PTPRM: variants seen among roughly 807,000 people sequenced by gnomAD.
The protein encoded by PTPRM is receptor-type tyrosine-protein phosphatase mu.
A neutral mutation model predicts 186.7 loss-of-function variants in PTPRM; 47 were observed. That is an observed-to-expected ratio of 0.25 (90% confidence interval 0.20 to 0.32). The LOEUF is 0.32. Ranked by LOEUF, PTPRM falls within the 10% of genes least tolerant of loss-of-function variation. PTPRM has a pLI of 1.00. For missense variants in PTPRM, 1,494 were observed against 1,865.0 expected, an observed-to-expected ratio of 0.80 and a Z score of 3.66; for synonymous variants, 668 against 674.9, an observed-to-expected ratio of 0.99 and a Z score of 0.16.
At chr18:7,984,955 AATT>A (rs1463714220) in intron 7 of PTPRM, among the ~76,000 whole-genome samples, 1 of 125,586 alleles carries the variant, frequency 8.0e-6, no homozygotes, top group Non-Finnish European at 1.5e-5. Flanking sequence ...ATACATATAT[AATT>A]ATATACATAT....
At position 7,830,793 on chromosome 18, in the gene PTPRM, C is replaced by T. The variant is rs560325980; in HGVS notation, c.196+56522C>T. ...GATAGAGAGGTAAGTCTGTGTCCTT[C>T]CTCCAACACACACCCGAAAGCATTT... On this transcript the variant is annotated intron_variant, in intron 2 of 32. Coordinates refer to ENST00000580170, the MANE Select transcript of PTPRM (RefSeq NM_001105244.2). Among the ~76,000 whole-genome samples the T allele has an allele frequency of 5.5e-4, 84 of 152,300 alleles. No homozygotes were observed. The South Asian group carries it at 0.017, about 30-fold the overall frequency.
At chr18:8,021,805 ACTC>A (rs1287160998) in intron 7 of PTPRM, among the ~76,000 whole-genome samples, 1 of 151,000 alleles carries the variant, frequency 6.6e-6, no homozygotes, top group African/African-American at 2.4e-5. Flanking sequence ...CTGGTCTTGA[ACTC>A]CTAGGCTCAA....
intron 1 of PTPRM, among the ~76,000 whole-genome samples, chr18:7,705,325 A>ATCTATCTGTCTG (rs1555655181): frequency 7.1e-6 from 1 of 140,140 alleles, no homozygotes; most frequent in African/African-American, 2.6e-5. Flanking sequence ...CTATCTATCT[A>ATCTATCTGTCTG]TCTGTCTATC....
intron 7 of PTPRM, among the ~76,000 whole-genome samples, chr18:8,052,305 A>G (rs995468618): frequency 6.6e-6 from 1 of 152,206 alleles, no homozygotes; most frequent in Non-Finnish European, 1.5e-5. Context: ...AGAGTTTTAT[A>G]GGGTCATGTG....
chr18:8,140,373 A>C (rs1368815602), intron 13 of PTPRM, among the ~76,000 whole-genome samples: 3 of 151,912 alleles, frequency 2.0e-5, no homozygotes, highest in Non-Finnish European at 4.4e-5. Context: ...GCCAAAGTGG[A>C]ATTGTTTTCT....
At chr18:7,800,808 T>C (rs2043920127) in intron 2 of PTPRM, among the ~76,000 whole-genome samples, 1 of 152,208 alleles carries the variant, frequency 6.6e-6, no homozygotes, top group African/African-American at 2.4e-5. Flanking sequence ...GTATACCCTA[T>C]TGCTCCTGGG....
chr18:7,916,805 C>T (rs904267066), intron 4 of PTPRM, among the ~76,000 whole-genome samples: 4 of 152,080 alleles, frequency 2.6e-5, no homozygotes, highest in Non-Finnish European at 5.9e-5. Flanking sequence ...TCCATATCCT[C>T]TCTTCTATTA....
In PTPRM at chr18:8,358,681, A is replaced by G. The variant is rs545206709; in HGVS notation, c.3055-12209A>G. ...TACAACCCAATTATAGAGGTATTAC[A>G]TAAGGTTGTACACGAGAAGGAACAA... On this transcript the variant is annotated intron_variant, in intron 23 of 32. Coordinates refer to ENST00000580170, the MANE Select transcript of PTPRM (RefSeq NM_001105244.2). 5.9e-5 allele frequency among the ~76,000 whole-genome samples: 9 copies of G among 152,370 alleles called. No individual in the cohort carries two copies. In the East Asian group the frequency reaches 1.7e-3, roughly 29 times the overall value.
chr18:8,001,924 G>A (rs1052252492), intron 7 of PTPRM, among the ~76,000 whole-genome samples: 6 of 152,226 alleles, frequency 3.9e-5, no homozygotes, highest in African/African-American at 1.4e-4. Context: ...AGCACCTGCT[G>A]TGTGTCATAA....
intron 20 of PTPRM, among the ~76,000 whole-genome samples, chr18:8,300,597 C>T (rs1179867100): frequency 2.0e-5 from 3 of 151,938 alleles, no homozygotes; most frequent in Non-Finnish European, 4.4e-5. Flanking sequence ...CTAGTGAGCA[C>T]GTCTATGTGC....
chr18:7,884,906 G>C (rs947022161), intron 2 of PTPRM, among the ~76,000 whole-genome samples: 1 of 103,420 alleles, frequency 9.7e-6, no homozygotes, highest in East Asian at 3.3e-4. Context: ...CCTGGGCGAC[G>C]AGAGCAAAGC....
At chr18:7,576,327 T>C (rs1315921626) in intron 1 of PTPRM, among the ~76,000 whole-genome samples, 2 of 152,154 alleles carry the variant, frequency 1.3e-5, no homozygotes, top group Non-Finnish European at 2.9e-5. Context: ...GAGTGCATAT[T>C]AGTGTGGGTT....
intron 1 of PTPRM, among the ~76,000 whole-genome samples, chr18:7,569,159 C>A (rs2036510457): frequency 6.6e-6 from 1 of 152,040 alleles, no homozygotes; most frequent in Non-Finnish European, 1.5e-5. Flanking sequence ...ACCTTTGGTC[C>A]TCCGGTGCGT....
intron 7 of PTPRM, among the ~76,000 whole-genome samples, chr18:7,996,533 T>A (rs1362961749): frequency 6.6e-6 from 1 of 152,086 alleles, no homozygotes; most frequent in Non-Finnish European, 1.5e-5. Flanking sequence ...ATGGAAGTCA[T>A]GGCCAGAGAA....
chr18:7,810,335 T>C (rs1598830109), intron 2 of PTPRM, among the ~76,000 whole-genome samples: 1 of 152,272 alleles, frequency 6.6e-6, no homozygotes, highest in South Asian at 2.1e-4. Flanking sequence ...CTGTTGTGCA[T>C]GTGTTACTGT....
In PTPRM at chr18:8,143,699, A is replaced by G; in HGVS notation, c.2220A>G (p.Thr740=). Residue 740 remains threonine (T), a synonymous_variant, in exon 14 of 33, where the codon ACA becomes ACG. Transcript: ENST00000580170. ...AACCCGAGAAACAGACAGACCATAC[A>G]GTTAAAATTGCTGGAGTCATCGCGG... is the stretch of plus-strand genomic sequence containing the variant. The part of the protein sequence containing the change: ...VPEPEKQTDH[T]VKIAGVIAGI... 1 of 1,610,738 alleles carries G rather than the reference A, an allele frequency of 6.2e-7. No individual in the cohort carries two copies. The highest frequency in any genetic ancestry group is 1.1e-5 in the South Asian group (1 of 91,038).
At chr18:8,367,562 G>A (rs1226061177) in intron 23 of PTPRM, among the ~76,000 whole-genome samples, 1 of 152,270 alleles carries the variant, frequency 6.6e-6, no homozygotes, top group South Asian at 2.1e-4. Context: ...GCTGCTGCCT[G>A]CAGCCGACGC....
rs576708815 is a variant in PTPRM, at chr18:7,663,117, A to C, written c.73+95226A>C. On this transcript the variant is annotated intron_variant, in intron 1 of 32. Coordinates refer to ENST00000580170, the MANE Select transcript of PTPRM (RefSeq NM_001105244.2). ...CTAAGTGACTGGTCAGGAGCAAGGA[A>C]GGCAAGTCCTGCTTGCACAGTCCTA... 7.9e-4 allele frequency among the ~76,000 whole-genome samples: 120 copies of C among 152,310 alleles called. 1 individual carries two copies. Among genetic ancestry groups the C allele is most frequent in the Admixed American group, 2.8e-3 (43 of 15,302 alleles).
chr18:8,370,411 T>A (rs566769999), intron 23 of PTPRM, among the ~76,000 whole-genome samples: 17 of 152,332 alleles, frequency 1.1e-4, no homozygotes, highest in African/African-American at 4.1e-4. Context: ...TAGTTCTAAT[T>A]TGGGAAAATG....
Sources: allele counts gnomAD v4.1 joint callset (sites outside exome capture counted in the v4.1 genomes callset), GRCh38; gene constraint gnomAD v4.1.1; transcripts MANE v1.5; gene names NCBI Gene and HGNC (gene_info 2026-07-23, HGNC 2026-07-21).